The following PARP8 variants were observed in gnomAD, a reference collection of about 807,000 sequenced individuals.
The protein encoded by PARP8 is poly(ADP-ribose) polymerase family member 8.
PARP8 carries 51 observed loss-of-function variants against 124.1 expected under a neutral mutation model. The observed-to-expected ratio is 0.41, with a 90% CI of 0.33 to 0.52. PARP8 has a LOEUF of 0.52. PARP8 is among the 20% of genes least tolerant of loss of function. The pLI is 0.21. For missense variants in PARP8, 860 were observed against 1,018.9 expected (o/e 0.84, Z 2.12); for synonymous variants, 391 against 361.5 (o/e 1.08, Z -0.93).
At chr5:50,834,905 CT>C in intron 24 of PARP8, 25 bp from the exon 25 acceptor site, 1 of 1,588,802 alleles carries the variant, frequency 6.3e-7, no homozygotes, top group Non-Finnish European at 8.6e-7. Flanking sequence ...TAAAGTGGTT[CT>C]TTAATTTTAT....
intron 14 of PARP8, among the ~76,000 whole-genome samples, chr5:50,800,935 T>A (rs1187571321): frequency 6.6e-6 from 1 of 151,730 alleles, no homozygotes; most frequent in East Asian, 1.9e-4. Context: ...TTTTAAAATT[T>A]TTTGTAGAAA....
chr5:50,690,440 C>T (rs932758552), intron 2 of PARP8, among the ~76,000 whole-genome samples: 7 of 151,892 alleles, frequency 4.6e-5, no homozygotes, highest in African/African-American at 1.5e-4. Flanking sequence ...TGCTGTGCCA[C>T]CCTCTCTCTC....
chr5:50,679,788 CT>C (rs1751071233), intron 2 of PARP8, among the ~76,000 whole-genome samples: 1 of 152,136 alleles, frequency 6.6e-6, no homozygotes, highest in South Asian at 2.1e-4. Flanking sequence ...CTGCATAGTG[CT>C]TAGGAAGTTT....
chr5:50,676,184 G>A (rs952918247), intron 2 of PARP8, among the ~76,000 whole-genome samples: 81 of 152,120 alleles, frequency 5.3e-4, no homozygotes, highest in East Asian at 1.9e-4. Context: ...GTTGTTTTGC[G>A]GAAAACACTT....
intron 9 of PARP8, among the ~76,000 whole-genome samples, chr5:50,782,580 T>C (rs1740791940): frequency 6.6e-6 from 1 of 152,180 alleles, no homozygotes; most frequent in Non-Finnish European, 1.5e-5. Flanking sequence ...AAAGAAAATA[T>C]TTATGAAGAG....
chr5:50,783,966 T>C (rs1198823357), intron 9 of PARP8, among the ~76,000 whole-genome samples: 1 of 152,222 alleles, frequency 6.6e-6, no homozygotes, highest in East Asian at 1.9e-4. Flanking sequence ...AAAAGTCTTT[T>C]ACAGTGATAT....
At chr5:50,805,028 T>C (rs1303519633) in intron 14 of PARP8, among the ~76,000 whole-genome samples, 2 of 152,174 alleles carry the variant, frequency 1.3e-5, no homozygotes, top group Non-Finnish European at 2.9e-5. Flanking sequence ...CTTGGGTTGC[T>C]GCAAGTTTTA....
At chr5:50,709,076 C>T (rs1056949693) in intron 2 of PARP8, among the ~76,000 whole-genome samples, 5 of 152,040 alleles carry the variant, frequency 3.3e-5, no homozygotes, top group Admixed American at 2.0e-4. Context: ...TATTAGCCAC[C>T]GTGCCAGGCC....
At chr5:50,741,754 T>A in intron 2 of PARP8, 2 of 397,362 alleles carry the variant, frequency 5.0e-6, no homozygotes, top group Non-Finnish European at 4.9e-6. Context: ...TTTACCTTAG[T>A]AAAGGGTAAT....
At chr5:50,771,783 A>G (rs1761654010) in intron 7 of PARP8, among the ~76,000 whole-genome samples, 1 of 152,224 alleles carries the variant, frequency 6.6e-6, no homozygotes, top group African/African-American at 2.4e-5. Context: ...TGATGTTTCA[A>G]TACATATATA....
At chr5:50,744,725 T>C (rs1016677671) in intron 2 of PARP8, 2 of 697,460 alleles carry the variant, frequency 2.9e-6, no homozygotes, top group African/African-American at 3.5e-5. Context: ...CTTTTTTTTT[T>C]CTCTGAATAG....
At position 50,843,096 on chromosome 5, in the gene PARP8, C is replaced by T. The variant is rs1415802692; in HGVS notation, c.*1028C>T. The T allele has an allele frequency of 6.2e-3, 2 of 322 alleles. No individual in the cohort carries two copies. Among genetic ancestry groups the T allele is most frequent in the Non-Finnish European group, 0.014 (2 of 138 alleles). The allele number at this position is 322 out of a possible 1,614,324, so 0.0% of individuals were successfully genotyped here. A position where few individuals can be genotyped will look rare whatever the true frequency, so the allele number is the denominator to read the frequency against. On this transcript the variant is annotated 3_prime_UTR_variant, in exon 26 of 26. Transcript: ENST00000281631. The stretch of plus-strand genomic sequence containing the variant: ...ATTTTTTTCATATTGAGAAAGAACA[C>T]AAACTTGATGCTTCTTTTATATTAA...
chr5:50,831,379 G>T (rs1746963735), intron 22 of PARP8, among the ~76,000 whole-genome samples: 1 of 152,020 alleles, frequency 6.6e-6, no homozygotes, highest in African/African-American at 2.4e-5. Context: ...GATGGGCTGC[G>T]CTGGCAGGCC....
At chr5:50,786,943 A>C (rs546969683) in intron 9 of PARP8, among the ~76,000 whole-genome samples, 91 of 152,078 alleles carry the variant, frequency 6.0e-4, no homozygotes, top group African/African-American at 2.2e-3. Flanking sequence ...TAACGTTTCC[A>C]TTTTAGTATC....
At chr5:50,838,508 A>G (rs567358799) in intron 25 of PARP8, among the ~76,000 whole-genome samples, 14 of 152,164 alleles carry the variant, frequency 9.2e-5, no homozygotes, top group African/African-American at 3.4e-4. Flanking sequence ...AAAAAAGGAG[A>G]AAATTTTCCA....
In PARP8 at chr5:50,770,046, T is replaced by C. The variant is rs566968266; in HGVS notation, c.518+6804T>C. The stretch of plus-strand genomic sequence containing the variant: ...ATTTTCTTAAAAATATCATTTTAGC[T>C]TCCGTGCTTTTTTGGTAATCTGCTT... On this transcript the variant is annotated intron_variant, in intron 7 of 25. Coordinates refer to ENST00000281631, the MANE Select transcript of PARP8 (RefSeq NM_024615.4). Among the ~76,000 whole-genome samples, 116 of 152,266 alleles carry C rather than the reference T, an allele frequency of 7.6e-4. 3 individuals carry two copies. In the South Asian group the frequency reaches 0.024, roughly 31 times the overall value.
intron 14 of PARP8, among the ~76,000 whole-genome samples, chr5:50,801,149 T>C (rs1251061888): frequency 6.6e-6 from 1 of 151,932 alleles, no homozygotes; most frequent in Non-Finnish European, 1.5e-5. Context: ...AGTTTTGCTT[T>C]TGTTGCCCTG....
At chr5:50,806,467 A>G (rs1743854521) in intron 14 of PARP8, among the ~76,000 whole-genome samples, 1 of 152,032 alleles carries the variant, frequency 6.6e-6, no homozygotes, top group East Asian at 1.9e-4. Context: ...GACTTTATCT[A>G]TATCTGCAAC....
At chr5:50,683,496 A>G (rs1384114332) in intron 2 of PARP8, among the ~76,000 whole-genome samples, 9 of 152,182 alleles carry the variant, frequency 5.9e-5, no homozygotes, top group Non-Finnish European at 1.2e-4. Flanking sequence ...TTCTGCCTTC[A>G]TTATGTGTTC....
Sources: allele counts gnomAD v4.1 joint callset (sites outside exome capture counted in the v4.1 genomes callset), GRCh38; gene constraint gnomAD v4.1.1; transcripts MANE v1.5; gene names NCBI Gene and HGNC (gene_info 2026-07-23, HGNC 2026-07-21).